The following FAF1 variants were observed in gnomAD, a reference collection of about 807,000 sequenced individuals.
The protein encoded by FAF1 is Fas associated factor 1.
Under a neutral mutation model 92.5 loss-of-function variants are expected in FAF1, and 25 were observed. The observed-to-expected ratio is 0.27, with a 90% CI of 0.20 to 0.38. FAF1 has a LOEUF of 0.38. Ranked by LOEUF, FAF1 falls within the 10% of genes least tolerant of loss-of-function variation. FAF1 has a pLI of 1.00. For synonymous variants in FAF1, 234 were observed against 273.2 expected, an observed-to-expected ratio of 0.86 and a Z score of 1.42; for missense variants, 636 against 793.3, an observed-to-expected ratio of 0.80 and a Z score of 2.38.
At chr1:50,628,038 T>C (rs1324855545) in intron 8 of FAF1, among the ~76,000 whole-genome samples, 1 of 152,146 alleles carries the variant, frequency 6.6e-6, no homozygotes, top group Admixed American at 6.5e-5. Flanking sequence ...ATTTTGGCTG[T>C]AAAGAGAAGA....
chr1:50,555,180 G>A (rs1297009360), intron 13 of FAF1, among the ~76,000 whole-genome samples: 1 of 151,664 alleles, frequency 6.6e-6, no homozygotes, highest in Non-Finnish European at 1.5e-5. Flanking sequence ...TCAAGATCGT[G>A]CCACTGCATT....
intron 4 of FAF1, among the ~76,000 whole-genome samples, chr1:50,777,313 G>A (rs1660998514): frequency 6.6e-6 from 1 of 151,818 alleles, no homozygotes; most frequent in African/African-American, 2.4e-5. Flanking sequence ...CAGCACTCGG[G>A]AAGCTGAGGT....
At chr1:50,915,406 C>G (rs1194135933) in intron 1 of FAF1, among the ~76,000 whole-genome samples, 1 of 148,360 alleles carries the variant, frequency 6.7e-6, no homozygotes, top group Non-Finnish European at 1.5e-5. Flanking sequence ...TACTGAAAAA[C>G]AAACTCCATC....
intron 18 of FAF1, among the ~76,000 whole-genome samples, chr1:50,463,042 G>A (rs1286469926): frequency 6.6e-6 from 1 of 152,204 alleles, no homozygotes; most frequent in African/African-American, 2.4e-5. Context: ...ACTGATAAGA[G>A]TAGCTCATTA....
chr1:50,468,125 C>T (rs1317601277), intron 18 of FAF1, among the ~76,000 whole-genome samples: 5 of 152,054 alleles, frequency 3.3e-5, no homozygotes, highest in African/African-American at 7.2e-5. Context: ...GGGAGGATCA[C>T]TTGAGCACAG....
chr1:50,938,077 C>T (rs1448973125), intron 1 of FAF1, among the ~76,000 whole-genome samples: 2 of 152,180 alleles, frequency 1.3e-5, no homozygotes, highest in Admixed American at 6.5e-5. Flanking sequence ...TGACAAAACT[C>T]CATGATATAC....
At chr1:50,794,609 T>C (rs749246553) in intron 3 of FAF1, among the ~76,000 whole-genome samples, 3 of 152,138 alleles carry the variant, frequency 2.0e-5, no homozygotes, top group Non-Finnish European at 4.4e-5. Context: ...GCACACAGAA[T>C]ATAAACATAT....
chr1:50,471,474 T>C (rs188502374), intron 18 of FAF1, among the ~76,000 whole-genome samples: 67 of 152,280 alleles, frequency 4.4e-4, no homozygotes, highest in Admixed American at 1.0e-3. Context: ...CTTTAAGTCT[T>C]AGAGGGAGAA....
intron 7 of FAF1, among the ~76,000 whole-genome samples, chr1:50,675,100 AGGCTG>A (rs890131936): frequency 6.6e-6 from 1 of 152,174 alleles, no homozygotes; most frequent in African/African-American, 2.4e-5. Context: ...CATGTTGGCC[AGGCTG>A]GTCTCAAACT....
At chr1:50,805,932 A>G (rs1011949328) in intron 2 of FAF1, among the ~76,000 whole-genome samples, 6 of 152,196 alleles carry the variant, frequency 3.9e-5, no homozygotes, top group African/African-American at 2.4e-5. Flanking sequence ...CATTACCTCA[A>G]TTTTACAGAG....
chr1:50,512,106 C>A (rs1647144150), intron 15 of FAF1, among the ~76,000 whole-genome samples: 2 of 151,986 alleles, frequency 1.3e-5, no homozygotes, highest in Non-Finnish European at 2.9e-5. Flanking sequence ...TTCTTGTTAA[C>A]TTGTTTAAGT....
At chr1:50,886,289 G>A (rs962046103) in intron 1 of FAF1, among the ~76,000 whole-genome samples, 3 of 151,900 alleles carry the variant, frequency 2.0e-5, no homozygotes, top group Non-Finnish European at 4.4e-5. Context: ...AAATCCCTCC[G>A]CTTTTCTTTG....
At position 50,959,938 on chromosome 1, in the gene FAF1, G is replaced by C. The variant is rs1645302657; in HGVS notation, c.-127C>G. On this transcript the variant is annotated 5_prime_UTR_variant, in exon 1 of 19. Coordinates refer to ENST00000396153, the MANE Select transcript of FAF1 (RefSeq NM_007051.3). ...CGCCGAGGGGCTGGCGGGCGAGCCGGCGGGCGGGTCGGCGGGCCAGCGGGC... is the reference window on the plus strand; with the variant it reads ...CGCCGAGGGGCTGGCGGGCGAGCCGCCGGGCGGGTCGGCGGGCCAGCGGGC... The C allele has an allele frequency of 2.1e-5, 10 of 484,706 alleles. No individual in the cohort carries two copies. Among genetic ancestry groups the C allele is most frequent in the Non-Finnish European group, 3.0e-5 (10 of 334,848 alleles). 30.0% of individuals were successfully genotyped at this position (484,706 alleles called of 1,614,324 possible).
At chr1:50,665,456 A>C (rs971104082) in intron 7 of FAF1, among the ~76,000 whole-genome samples, 5 of 152,224 alleles carry the variant, frequency 3.3e-5, no homozygotes, top group African/African-American at 1.2e-4. Flanking sequence ...GGCATAATCT[A>C]ATATCCAATA....
At chr1:50,727,369 A>C (rs1055641948) in intron 6 of FAF1, among the ~76,000 whole-genome samples, 2 of 152,242 alleles carry the variant, frequency 1.3e-5, no homozygotes, top group Non-Finnish European at 2.9e-5. Context: ...ACAAAGACTT[A>C]ACACATTGTA....
chr1:50,529,210 A>G lies in FAF1; in HGVS notation c.1494+6159T>C, dbSNP rs888194901. ...TTATACTATATTCATCATTACTTTT[A>G]TGTTTCAATGAACCATTGTTGAGCC... On this transcript the variant is annotated intron_variant, in intron 15 of 18. Coordinates refer to ENST00000396153, the MANE Select transcript of FAF1 (RefSeq NM_007051.3). Among the ~76,000 whole-genome samples the G allele has an allele frequency of 2.6e-5, 4 of 152,146 alleles. No homozygotes were observed. The East Asian group carries it at 7.7e-4, about 29-fold the overall frequency.
chr1:50,783,476 A>C (rs1661255925), intron 4 of FAF1, among the ~76,000 whole-genome samples: 1 of 152,210 alleles, frequency 6.6e-6, no homozygotes, highest in Admixed American at 6.5e-5. Context: ...AGCGAAACTA[A>C]ATTCAACAGC....
chr1:50,561,396 T>A (rs1396709749), intron 13 of FAF1, among the ~76,000 whole-genome samples: 1 of 152,204 alleles, frequency 6.6e-6, no homozygotes, highest in South Asian at 2.1e-4. Flanking sequence ...CATTAGTGGC[T>A]ACAGGGGAAG....
At chr1:50,756,921 G>C (rs1161446373) in intron 4 of FAF1, among the ~76,000 whole-genome samples, 1 of 152,172 alleles carries the variant, frequency 6.6e-6, no homozygotes, top group Non-Finnish European at 1.5e-5. Flanking sequence ...AATTCAAGAT[G>C]AGATTTGGAA....
Sources: allele counts gnomAD v4.1 joint callset (sites outside exome capture counted in the v4.1 genomes callset), GRCh38; gene constraint gnomAD v4.1.1; transcripts MANE v1.5; gene names NCBI Gene and HGNC (gene_info 2026-07-23, HGNC 2026-07-21).